ARHGAP24: variants seen among roughly 807,000 people sequenced by gnomAD.
ARHGAP24 encodes rho GTPase-activating protein 24.
ARHGAP24 carries 50 observed loss-of-function variants against 76.4 expected under a neutral mutation model. The ratio of observed to expected loss-of-function variants is 0.65; its 90% CI spans 0.52 to 0.83. The LOEUF is 0.83. Among genes scored for constraint, ARHGAP24 ranks in the 40% least tolerant of loss-of-function variants. The pLI is 0.00. For synonymous variants in ARHGAP24, 345 were observed against 323.3 expected (o/e 1.07, Z -0.72); for missense variants, 930 against 914.2 (o/e 1.02, Z -0.22).
chr4:85,726,300 A>G (rs945050032), intron 3 of ARHGAP24, among the ~76,000 whole-genome samples: 1 of 152,110 alleles, frequency 6.6e-6, no homozygotes, highest in African/African-American at 2.4e-5. Flanking sequence ...ATTTACATCT[A>G]TCTATAATCT....
intron 3 of ARHGAP24, among the ~76,000 whole-genome samples, chr4:85,867,496 AATAAT>A (rs1732260834): frequency 6.6e-6 from 1 of 152,152 alleles, no homozygotes; most frequent in Non-Finnish European, 1.5e-5. Context: ...GGCAAAAAGC[AATAAT>A]AAACATATGA....
intron 3 of ARHGAP24, among the ~76,000 whole-genome samples, chr4:85,827,411 G>C (rs1485857544): frequency 6.7e-6 from 1 of 149,274 alleles, no homozygotes; most frequent in Non-Finnish European, 1.5e-5. Flanking sequence ...ACAACTTTTG[G>C]GCTTGAGAGG....
intron 1 of ARHGAP24, among the ~76,000 whole-genome samples, chr4:85,489,247 C>G (rs1229333811): frequency 6.6e-6 from 1 of 152,128 alleles, no homozygotes; most frequent in African/African-American, 2.4e-5. Flanking sequence ...CTGCCTTGAC[C>G]AGTCAAATAA....
At chr4:85,667,403 C>A (rs1722670797) in intron 2 of ARHGAP24, among the ~76,000 whole-genome samples, 1 of 152,112 alleles carries the variant, frequency 6.6e-6, no homozygotes, top group South Asian at 2.1e-4. Context: ...CCATCTGTCA[C>A]CCCTGTCTTT....
At chr4:85,983,175 T>C (rs987953665) in intron 8 of ARHGAP24, among the ~76,000 whole-genome samples, 5 of 152,210 alleles carry the variant, frequency 3.3e-5, no homozygotes, top group Non-Finnish European at 5.9e-5. Flanking sequence ...CAGTCTATCA[T>C]TGATGGACAT....
At chr4:85,500,783 G>T (rs186413508) in intron 1 of ARHGAP24, among the ~76,000 whole-genome samples, 106 of 152,118 alleles carry the variant, frequency 7.0e-4, no homozygotes, top group Non-Finnish European at 1.3e-3. Context: ...TTGTTACATA[G>T]GTATACATGT....
intron 3 of ARHGAP24, among the ~76,000 whole-genome samples, chr4:85,794,898 C>T (rs1013412903): frequency 1.3e-5 from 2 of 152,242 alleles, no homozygotes; most frequent in African/African-American, 2.4e-5. Context: ...TTCATCTGCA[C>T]TGGTTGGTGT....
intron 3 of ARHGAP24, among the ~76,000 whole-genome samples, chr4:85,898,996 G>A (rs532466113): frequency 7.9e-5 from 12 of 152,034 alleles, no homozygotes; most frequent in Non-Finnish European, 1.8e-4. Flanking sequence ...CACCCACCTC[G>A]GCCTGCCAAA....
chr4:85,476,004 T>C (rs984136288), intron 1 of ARHGAP24, among the ~76,000 whole-genome samples: 1 of 149,818 alleles, frequency 6.7e-6, no homozygotes, highest in Non-Finnish European at 1.5e-5. Context: ...AATAAGCATA[T>C]ATATTTGCAA....
chr4:85,815,635 A>G (rs1314227125), intron 3 of ARHGAP24, among the ~76,000 whole-genome samples: 2 of 152,198 alleles, frequency 1.3e-5, no homozygotes, highest in Non-Finnish European at 2.9e-5. Flanking sequence ...ACTTTTGGCT[A>G]AAGCCATTCA....
At chr4:85,614,849 A>G (rs1333196138) in intron 2 of ARHGAP24, among the ~76,000 whole-genome samples, 1 of 152,136 alleles carries the variant, frequency 6.6e-6, no homozygotes, top group Non-Finnish European at 1.5e-5. Context: ...AAAATTGCTC[A>G]TAGATCCTGT....
chr4:85,671,206 C>G (rs749185252), intron 2 of ARHGAP24, among the ~76,000 whole-genome samples: 1 of 152,020 alleles, frequency 6.6e-6, no homozygotes, highest in African/African-American at 2.4e-5. Context: ...TAAATGCTAC[C>G]TCTAAATAGC....
chr4:85,540,629 C>T (rs1023367532), intron 1 of ARHGAP24, among the ~76,000 whole-genome samples: 1 of 152,098 alleles, frequency 6.6e-6, no homozygotes, highest in Non-Finnish European at 1.5e-5. Context: ...TAACAATCAC[C>T]TTATACAAAA....
chr4:85,634,776 A>G (rs1721258970), intron 2 of ARHGAP24, among the ~76,000 whole-genome samples: 1 of 151,852 alleles, frequency 6.6e-6, no homozygotes. Context: ...AGACCTTTCC[A>G]GTAATAAACT....
At chr4:85,630,198 T>G (rs1305730386) in intron 2 of ARHGAP24, among the ~76,000 whole-genome samples, 1 of 152,188 alleles carries the variant, frequency 6.6e-6, no homozygotes, top group Non-Finnish European at 1.5e-5. Flanking sequence ...GGTTGGTCCT[T>G]CTTTATGATT....
intron 1 of ARHGAP24, among the ~76,000 whole-genome samples, chr4:85,525,660 A>T (rs1016738133): frequency 2.0e-5 from 3 of 152,166 alleles, no homozygotes; most frequent in African/African-American, 7.2e-5. Context: ...GTAGCTCATT[A>T]AATTTAATCA....
intron 3 of ARHGAP24, among the ~76,000 whole-genome samples, chr4:85,887,729 G>C (rs533503645): frequency 3.3e-4 from 50 of 152,230 alleles, no homozygotes; most frequent in African/African-American, 1.2e-3. Flanking sequence ...TGATGCTTAG[G>C]TGAATTTTGA....
intron 1 of ARHGAP24, among the ~76,000 whole-genome samples, chr4:85,503,264 A>G (rs914179813): frequency 2.6e-5 from 4 of 152,028 alleles, no homozygotes; most frequent in Non-Finnish European, 4.4e-5. Context: ...CTCTTTTTCT[A>G]TTGATTGGAA....
At chr4:85,486,973 C>T (rs981968791) in intron 1 of ARHGAP24, among the ~76,000 whole-genome samples, 3 of 151,580 alleles carry the variant, frequency 2.0e-5, no homozygotes, top group African/African-American at 7.3e-5. Flanking sequence ...GGATAAAGCT[C>T]CTTCAGCAGG....
Sources: allele counts gnomAD v4.1 joint callset (sites outside exome capture counted in the v4.1 genomes callset), GRCh38; gene constraint gnomAD v4.1.1; transcripts MANE v1.5; gene names NCBI Gene and HGNC (gene_info 2026-07-23, HGNC 2026-07-21).